Variants in NPAS3 observed in about 807,000 individuals in gnomAD.
NPAS3 encodes the protein neuronal PAS domain protein 3, also known as neuronal PAS domain-containing protein 3.
NPAS3 carries 14 observed loss-of-function variants against 73.1 expected under a neutral mutation model. That is an observed-to-expected ratio of 0.19 (90% CI 0.13 to 0.30). The LOEUF (loss-of-function observed/expected upper bound fraction) is 0.30, where lower values mean the gene tolerates loss of function less well. NPAS3 is among the 10% of genes least tolerant of loss of function. The pLI is 1.00. For synonymous variants in NPAS3, 620 were observed against 541.5 expected (o/e 1.14, Z -2.01); for missense variants, 1,096 against 1,250.0 (o/e 0.88, Z 1.86).
At chr14:33,594,405 TA>T (rs2057168743) in intron 5 of NPAS3, among the ~76,000 whole-genome samples, 1 of 152,236 alleles carries the variant, frequency 6.6e-6, no homozygotes, top group South Asian at 2.1e-4. Context: ...GTTGAATGAA[TA>T]TCTCAATTTA....
At chr14:33,012,642 G>A (rs144021794) in intron 1 of NPAS3, among the ~76,000 whole-genome samples, 1,808 of 151,728 alleles carry the variant, frequency 0.012, 22 homozygotes, top group Non-Finnish European at 0.016. Context: ...TCCGCCTCCC[G>A]GGTTCAAGCG....
intron 4 of NPAS3, among the ~76,000 whole-genome samples, chr14:33,412,604 T>C (rs1011908989): frequency 2.6e-5 from 4 of 152,198 alleles, no homozygotes; most frequent in African/African-American, 9.7e-5. Context: ...CCAGTTTGAA[T>C]TGCCTGTGAC....
At chr14:33,578,827 A>G (rs2056551777) in intron 5 of NPAS3, among the ~76,000 whole-genome samples, 1 of 151,472 alleles carries the variant, frequency 6.6e-6, no homozygotes, top group Non-Finnish European at 1.5e-5. Flanking sequence ...ACCACAGGGG[A>G]AAACAAAACA....
chr14:33,570,190 G>A (rs180822939), intron 5 of NPAS3, among the ~76,000 whole-genome samples: 104 of 152,334 alleles, frequency 6.8e-4, no homozygotes, highest in Non-Finnish European at 1.3e-3. Flanking sequence ...CAGAAATGAG[G>A]ATGGAAAATG....
chr14:33,450,156 A>G (rs1468372461), intron 4 of NPAS3, among the ~76,000 whole-genome samples: 4 of 152,204 alleles, frequency 2.6e-5, no homozygotes, highest in African/African-American at 7.2e-5. Flanking sequence ...AATTTCATGT[A>G]AAGGACAGCT....
At chr14:33,324,030 C>T (rs751927660) in intron 3 of NPAS3, among the ~76,000 whole-genome samples, 1 of 152,158 alleles carries the variant, frequency 6.6e-6, no homozygotes, top group East Asian at 1.9e-4. Context: ...TGTCAAGCTA[C>T]GAGAATGGTT....
At chr14:33,035,237 G>A (rs1164750129) in intron 1 of NPAS3, among the ~76,000 whole-genome samples, 2 of 152,096 alleles carry the variant, frequency 1.3e-5, no homozygotes, top group Non-Finnish European at 2.9e-5. Flanking sequence ...GCCTTTTAGA[G>A]GACATTTTCT....
chr14:33,011,877 A>G (rs1433983025), intron 1 of NPAS3, among the ~76,000 whole-genome samples: 1 of 152,184 alleles, frequency 6.6e-6, no homozygotes, highest in Non-Finnish European at 1.5e-5. Context: ...GACATGAATA[A>G]AAAATTCAGG....
At chr14:33,168,775 G>A (rs1343714715) in intron 2 of NPAS3, among the ~76,000 whole-genome samples, 10 of 151,800 alleles carry the variant, frequency 6.6e-5, no homozygotes, top group East Asian at 1.9e-4. Flanking sequence ...TGCCATTCAC[G>A]TTGGCCTTCC....
At chr14:33,036,782 G>GA (rs1002073783) in intron 1 of NPAS3, among the ~76,000 whole-genome samples, 1 of 152,080 alleles carries the variant, frequency 6.6e-6, no homozygotes, top group African/African-American at 2.4e-5. Flanking sequence ...GAAGGATGCT[G>GA]AAAAAAATGA....
intron 3 of NPAS3, among the ~76,000 whole-genome samples, chr14:33,278,467 A>G (rs564705541): frequency 6.6e-6 from 1 of 151,728 alleles, no homozygotes; most frequent in South Asian, 2.1e-4. Context: ...ATGACTTGAT[A>G]GGACAATAGG....
At chr14:32,939,404 G>T (rs1234213594) in intron 1 of NPAS3, 38 bp downstream of exon 1, 2 of 611,492 alleles carry the variant, frequency 3.3e-6, no homozygotes, top group South Asian at 3.6e-5. Flanking sequence ...CCGCCGGGCC[G>T]CTGCTCCCGC....
At chr14:33,142,079 A>T (rs2044068548) in intron 2 of NPAS3, among the ~76,000 whole-genome samples, 1 of 149,824 alleles carries the variant, frequency 6.7e-6, no homozygotes, top group South Asian at 2.2e-4. Context: ...AACTTTAGTG[A>T]TTTTAATTAA....
At chr14:33,313,305 G>C (rs2043079958) in intron 3 of NPAS3, among the ~76,000 whole-genome samples, 1 of 152,008 alleles carries the variant, frequency 6.6e-6, no homozygotes, top group East Asian at 1.9e-4. Context: ...AATATGAATG[G>C]ATATTCAAGT....
chr14:33,618,566 A>G (rs2057990654), intron 5 of NPAS3, among the ~76,000 whole-genome samples: 1 of 152,104 alleles, frequency 6.6e-6, no homozygotes, highest in Non-Finnish European at 1.5e-5. Context: ...AAATACAGAT[A>G]AAGCTTCGCT....
At chr14:33,115,039 T>TA (rs1211672257) in intron 2 of NPAS3, among the ~76,000 whole-genome samples, 28 of 152,238 alleles carry the variant, frequency 1.8e-4, no homozygotes, top group Admixed American at 8.5e-4. Flanking sequence ...AAGAAAGGCA[T>TA]GATAGACTAG....
In NPAS3 at chr14:33,599,639, C is replaced by T. The variant is rs750283836; in HGVS notation, c.558+39429C>T. Among the ~76,000 whole-genome samples, 23 of 152,236 alleles carry T rather than the reference C, an allele frequency of 1.5e-4. 1 individual carries two copies. Among genetic ancestry groups the T allele is most frequent in the South Asian group, 4.2e-4 (2 of 4,812 alleles). On this transcript the variant is annotated intron_variant, in intron 5 of 11. Transcript: ENST00000356141. ...AGTGCTATATTAAAACAAACAAAAA[C>T]GGCAGATTACTAAATGGATATTAGC...
In NPAS3 at chr14:33,721,160, T is replaced by C. The variant is rs576661807; in HGVS notation, c.734-14054T>C. ...CTCTTTTTTAAAGTAAGTGAATTCTTTTGGTGGAAAGATAATTTCTTTTCT... is the reference window on the plus strand; with the variant it reads ...CTCTTTTTTAAAGTAAGTGAATTCTCTTGGTGGAAAGATAATTTCTTTTCT... On this transcript the variant is annotated intron_variant, in intron 6 of 11. Coordinates refer to ENST00000356141, the Ensembl canonical transcript of NPAS3. Among the ~76,000 whole-genome samples, 5 of 152,294 alleles carry C rather than the reference T, an allele frequency of 3.3e-5. No individual in the cohort carries two copies. The East Asian group carries it at 7.7e-4, about 24-fold the overall frequency.
intron 4 of NPAS3, among the ~76,000 whole-genome samples, chr14:33,508,090 A>G (rs1438607712): frequency 6.6e-6 from 1 of 152,040 alleles, no homozygotes; most frequent in Non-Finnish European, 1.5e-5. Context: ...TCCATAGCAA[A>G]TAATATTGCC....
Sources: allele counts gnomAD v4.1 joint callset (sites outside exome capture counted in the v4.1 genomes callset), GRCh38; gene constraint gnomAD v4.1.1; transcripts MANE v1.5; gene names NCBI Gene and HGNC (gene_info 2026-07-23, HGNC 2026-07-21).